The following KCNMB2 variants were observed in gnomAD, a reference collection of about 807,000 sequenced individuals.
The protein encoded by KCNMB2 is calcium-activated potassium channel subunit beta-2.
Under a neutral mutation model 24.5 loss-of-function variants are expected in KCNMB2, and 9 were observed. The ratio of observed to expected loss-of-function variants is 0.37; its 90% CI spans 0.22 to 0.64. The LOEUF is 0.64. Ranked by LOEUF, KCNMB2 falls within the 30% of genes least tolerant of loss-of-function variation. KCNMB2 has a pLI of 0.63. For missense variants in KCNMB2, 226 were observed against 284.3 expected (o/e 0.79, Z 1.47); for synonymous variants, 109 against 104.4 (o/e 1.04, Z -0.27).
chr3:178,814,832 G>A (rs942947415), intron 2 of KCNMB2, among the ~76,000 whole-genome samples: 1 of 152,012 alleles, frequency 6.6e-6, no homozygotes, highest in Non-Finnish European at 1.5e-5. Context: ...TTTTCTCCTT[G>A]TTGATTTGTT....
chr3:178,779,389 A>C (rs1238803608), intron 1 of KCNMB2, among the ~76,000 whole-genome samples: 1 of 152,226 alleles, frequency 6.6e-6, no homozygotes, highest in Non-Finnish European at 1.5e-5. Context: ...GAAGCCATTG[A>C]TGGATACACG....
chr3:178,648,873 C>CA, intron 1 of KCNMB2, among the ~76,000 whole-genome samples: 1 of 152,302 alleles, frequency 6.6e-6, no homozygotes, highest in East Asian at 1.9e-4. Context: ...CAAAGCATGG[C>CA]ATTATTTGGT....
intron 1 of KCNMB2, among the ~76,000 whole-genome samples, chr3:178,722,137 T>A (rs912189299): frequency 4.6e-5 from 7 of 152,162 alleles, no homozygotes; most frequent in Non-Finnish European, 8.8e-5. Flanking sequence ...ATTTCCCCAT[T>A]TTTTTTCTAA....
intron 1 of KCNMB2, among the ~76,000 whole-genome samples, chr3:178,659,342 T>C (rs1315767635): frequency 6.6e-6 from 1 of 152,240 alleles, no homozygotes; most frequent in African/African-American, 2.4e-5. Context: ...GCCCCTCATA[T>C]TTAAACTTTT....
chr3:178,752,724 T>G lies in KCNMB2; in HGVS notation c.-67-54619T>G, dbSNP rs140134862. Among the ~76,000 whole-genome samples the G allele has an allele frequency of 1.4e-4, 22 of 152,214 alleles. No individual in the cohort carries two copies. In the East Asian group the frequency reaches 3.1e-3, roughly 21 times the overall value. ...TAGTCAGAGTAGAAGAGAGGGAATA[T>G]CTTTCAAAAACACTTAATGGGCAGG... On this transcript the variant is annotated intron_variant, in intron 1 of 4. Coordinates refer to ENST00000452583, the MANE Select transcript of KCNMB2 (RefSeq NM_181361.3).
intron 1 of KCNMB2, among the ~76,000 whole-genome samples, chr3:178,546,721 G>A (rs1039634798): frequency 3.3e-5 from 5 of 152,210 alleles, no homozygotes; most frequent in East Asian, 1.9e-4. Context: ...CAGGTCACAC[G>A]AATGAGTTTG....
chr3:178,795,547 C>T (rs1376018773), intron 1 of KCNMB2, among the ~76,000 whole-genome samples: 9 of 152,096 alleles, frequency 5.9e-5, no homozygotes, highest in Admixed American at 5.9e-4. Context: ...AACATTAGAG[C>T]CTGAGGGCCC....
intron 1 of KCNMB2, among the ~76,000 whole-genome samples, chr3:178,617,006 T>C (rs1237443921): frequency 6.6e-6 from 1 of 152,194 alleles, no homozygotes; most frequent in Non-Finnish European, 1.5e-5. Context: ...TGGGGAAATG[T>C]GGTATGGGCG....
chr3:178,835,074 G>A (rs763462324), intron 4 of KCNMB2, among the ~76,000 whole-genome samples: 6 of 151,304 alleles, frequency 4.0e-5, no homozygotes, highest in Non-Finnish European at 7.4e-5. Context: ...ATCCCAAAGC[G>A]CCGAGAAGAT....
chr3:178,590,378 G>A (rs11920881), intron 1 of KCNMB2, among the ~76,000 whole-genome samples: 22,470 of 151,298 alleles, frequency 0.15, 1,809 homozygotes, highest in Middle Eastern at 0.25. Context: ...GGATTTAGAG[G>A]AAAAAAAAGA....
chr3:178,729,330 T>C (rs991572238), intron 1 of KCNMB2: 1 of 152,154 alleles, frequency 6.6e-6, no homozygotes, highest in African/African-American at 2.4e-5. Context: ...TTTGGTCCCA[T>C]CTCACAGTAT....
chr3:178,843,034 A>T lies in KCNMB2; in HGVS notation c.*97A>T. 3 of 958,940 alleles carry T rather than the reference A, an allele frequency of 3.1e-6. No individual in the cohort carries two copies. Among genetic ancestry groups the T allele is most frequent in the Non-Finnish European group, 4.7e-6 (3 of 638,558 alleles). The allele number at this position is 958,940 out of a possible 1,614,324, so 59.4% of individuals were successfully genotyped here. A position where few individuals can be genotyped will look rare whatever the true frequency, so the allele number is the denominator to read the frequency against. On this transcript the variant is annotated 3_prime_UTR_variant, in exon 5 of 5. Transcript: ENST00000452583. ...TTAAGTTTGTAACGTGCAGTCTGTTATGAGTTCCCTAATATATTCTTATAT... is the reference window on the plus strand; with the variant it reads ...TTAAGTTTGTAACGTGCAGTCTGTTTTGAGTTCCCTAATATATTCTTATAT...
intron 1 of KCNMB2, among the ~76,000 whole-genome samples, chr3:178,722,391 A>G (rs995667758): frequency 4.6e-5 from 7 of 152,214 alleles, no homozygotes; most frequent in African/African-American, 1.7e-4. Context: ...GTGAAGTTCA[A>G]TATCAAACTG....
At chr3:178,669,425 A>C (rs1720826078) in intron 1 of KCNMB2, among the ~76,000 whole-genome samples, 1 of 152,144 alleles carries the variant, frequency 6.6e-6, no homozygotes, top group Non-Finnish European at 1.5e-5. Flanking sequence ...GGTAATACCT[A>C]GGAACATTAA....
At chr3:178,657,021 C>T (rs191068376) in intron 1 of KCNMB2, among the ~76,000 whole-genome samples, 16 of 152,200 alleles carry the variant, frequency 1.1e-4, no homozygotes, top group South Asian at 2.1e-4. Flanking sequence ...GCTGGCCCTC[C>T]GCCACTTGCC....
rs568718367 is a variant in KCNMB2, at chr3:178,664,243, T to G, written c.-68+127532T>G. ...GGAGGAGGAGGGTCAAGATTAAAAT[T>G]TTAATAAAAGTAGAGAACAAATGAC... is the stretch of plus-strand genomic sequence containing the variant. On this transcript the variant is annotated intron_variant, in intron 1 of 4. Transcript: ENST00000452583. 2.0e-4 allele frequency among the ~76,000 whole-genome samples: 30 copies of G among 152,180 alleles called. No homozygotes were observed. In the South Asian group the frequency reaches 5.8e-3, roughly 29 times the overall value.
intron 1 of KCNMB2, among the ~76,000 whole-genome samples, chr3:178,774,994 C>A (rs1712522602): frequency 6.6e-6 from 1 of 152,200 alleles, no homozygotes; most frequent in South Asian, 2.1e-4. Context: ...CCAGAACCAT[C>A]TTTACACAAA....
intron 1 of KCNMB2, among the ~76,000 whole-genome samples, chr3:178,803,173 T>G (rs775118141): frequency 5.3e-5 from 8 of 152,204 alleles, no homozygotes; most frequent in Non-Finnish European, 8.8e-5. Context: ...TTAAATTGAC[T>G]TGTCCAAAGT....
intron 1 of KCNMB2, among the ~76,000 whole-genome samples, chr3:178,677,832 C>T (rs1175620198): frequency 1.3e-5 from 2 of 152,096 alleles, no homozygotes; most frequent in Non-Finnish European, 2.9e-5. Context: ...GTCAAGTATG[C>T]ATATTCAACA....
Sources: gnomAD v4.1 joint callset for allele counts (sites outside exome capture counted in the v4.1 genomes callset) on GRCh38, gnomAD v4.1.1 for gene constraint, MANE v1.5 for transcripts, NCBI Gene and HGNC (gene_info 2026-07-23, HGNC 2026-07-21) for gene names.